Variants in CPEB4 observed in about 807,000 individuals in gnomAD.
The protein encoded by CPEB4 is cytoplasmic polyadenylation element-binding protein 4.
In CPEB4, 12 loss-of-function variants were observed where a neutral mutation model predicts 72.5. The ratio of observed to expected loss-of-function variants is 0.17; its 90% confidence interval spans 0.11 to 0.27. The LOEUF (loss-of-function observed/expected upper bound fraction) is 0.27, where lower values mean the gene tolerates loss of function less well. Among genes scored for constraint, CPEB4 ranks in the 10% least tolerant of loss-of-function variants. The probability of loss-of-function intolerance (pLI) is 1.00; values close to 1 mark genes in which losing one functional copy is unlikely to be tolerated. For synonymous variants in CPEB4, 302 were observed against 326.3 expected (o/e 0.93, Z 0.80); for missense variants, 614 against 908.5 (o/e 0.68, Z 4.17).
At position 173,889,859 on chromosome 5, in the gene CPEB4, T is replaced by A; in HGVS notation, c.126T>A (p.Ala42=). The A allele has an allele frequency of 1.2e-6, 2 of 1,614,210 alleles. No homozygotes were observed. Among genetic ancestry groups the A allele is most frequent in the African/African-American group, 2.7e-5 (2 of 75,052 alleles). ...ACCAAAATGCCACCCCCAGCCCTGCTGCTTTTATAAATAATAACACAGCTG... is the reference window on the plus strand; with the variant it reads ...ACCAAAATGCCACCCCCAGCCCTGCAGCTTTTATAAATAATAACACAGCTG... ...HHHQNATPSP[A]AFINNNTAAN... is the part of the protein sequence containing the mutation. Residue 42 remains alanine (A), a synonymous_variant, in exon 1 of 10, where the codon GCT becomes GCA. Coordinates refer to ENST00000265085, the MANE Select transcript of CPEB4 (RefSeq NM_030627.4).
chr5:173,945,899 C>T (rs374045901), intron 5 of CPEB4, among the ~76,000 whole-genome samples: 28 of 152,250 alleles, frequency 1.8e-4, no homozygotes, highest in African/African-American at 6.0e-4. Flanking sequence ...CTGAGTGACC[C>T]CAATAAAAAT....
intron 5 of CPEB4, 117 bp downstream of exon 5, chr5:173,945,257 G>A: frequency 1.2e-6 from 1 of 831,842 alleles, no homozygotes; most frequent in Non-Finnish European, 1.9e-6. Flanking sequence ...TGCTTGCATT[G>A]TTCTCTTGTC....
chr5:173,911,240 A>AC (rs1456546179), intron 2 of CPEB4, among the ~76,000 whole-genome samples: 1 of 150,914 alleles, frequency 6.6e-6, no homozygotes, highest in African/African-American at 2.4e-5. Context: ...AGATGTCTGG[A>AC]CCCCATTCCA....
chr5:173,952,087 T>C (rs1464821712), intron 8 of CPEB4, 149 bp downstream of exon 8: 1 of 606,608 alleles, frequency 1.6e-6, no homozygotes, highest in South Asian at 2.1e-5. Context: ...TGTGTTCTAA[T>C]AGTTAAGTGA....
rs1216439983 is a variant in CPEB4, at chr5:173,960,124, TA to T, written c.*3988del. 6.5e-6 allele frequency: 1 copy of T among 152,772 alleles called. No homozygotes were observed. The highest frequency in any genetic ancestry group is 1.5e-5 in the Non-Finnish European group (1 of 68,026). 9.5% of individuals were successfully genotyped at this position (152,772 alleles called of 1,614,324 possible). A position where few individuals can be genotyped will look rare whatever the true frequency, so the allele number is the denominator to read the frequency against. ...TAAAGTCATTTTCACGTTAAGTTCC[TA>T]TTTTTGTATGTTCTACTCTTAAGTT... On this transcript the variant is annotated 3_prime_UTR_variant, in exon 10 of 10. Coordinates refer to ENST00000265085, the MANE Select transcript of CPEB4 (RefSeq NM_030627.4).
At chr5:173,908,460 T>G (rs900707945) in intron 1 of CPEB4, among the ~76,000 whole-genome samples, 3 of 152,220 alleles carry the variant, frequency 2.0e-5, no homozygotes, top group African/African-American at 7.2e-5. Context: ...CTTGAAATAC[T>G]GTCTCTTACC....
At position 173,951,933 on chromosome 5, in the gene CPEB4, G is replaced by C; in HGVS notation, c.1775G>C (p.Arg592Pro). 6.2e-7 allele frequency: 1 copy of C among 1,600,072 alleles called. No individual in the cohort carries two copies. The highest frequency in any genetic ancestry group is 8.6e-7 in the Non-Finnish European group (1 of 1,167,314). The change falls in exon 8 of 10, where the codon CGA (arginine) becomes CCA (proline). Residue 592 changes from arginine to proline, a missense_variant. Transcript: ENST00000265085. ...IFVGGVPRPL[R>P]AVELAMIMDR... is the part of the protein sequence containing the mutation. The stretch of plus-strand genomic sequence containing the variant: ...GTTGGTGGTGTTCCTCGACCATTAC[G>C]AGCTGGTATGATTAAACAAACGACA...
Position 173,888,360 on chromosome 5 carries a change from TCC to T in CPEB4, c.-1373_-1372del. The stretch of plus-strand genomic sequence containing the variant: ...CTGGTTGTCATTTCACTCGGCTCGG[TCC>T]TGAGGAGAAGGACTCAGCCGCGGCT... On this transcript the variant is annotated 5_prime_UTR_variant, in exon 1 of 10. Transcript: ENST00000265085. The surrounding 1 kb of genome is among the most constrained non-coding windows in gnomAD (Gnocchi z 4.3). 2.3e-6 allele frequency: 1 copy of T among 437,726 alleles called. No homozygotes were observed. Among genetic ancestry groups the T allele is most frequent in the East Asian group, 3.5e-5 (1 of 28,686 alleles). 27.1% of individuals were successfully genotyped at this position (437,726 alleles called of 1,614,324 possible). A position where few individuals can be genotyped will look rare whatever the true frequency, so the allele number is the denominator to read the frequency against.
intron 4 of CPEB4, among the ~76,000 whole-genome samples, chr5:173,944,254 T>G (rs1465825787): frequency 2.6e-5 from 4 of 152,130 alleles, no homozygotes; most frequent in Non-Finnish European, 5.9e-5. Context: ...TAACATTAAG[T>G]GGGTTTTGAT....
chr5:173,955,588 A>AT lies in CPEB4; in HGVS notation c.1963-321dup, dbSNP rs1418885557. Among the ~76,000 whole-genome samples, 1 of 152,224 alleles carries AT rather than the reference A, an allele frequency of 6.6e-6. No homozygotes were observed. Among genetic ancestry groups the AT allele is most frequent in the Non-Finnish European group, 1.5e-5 (1 of 68,044 alleles). On this transcript the variant is annotated intron_variant, in intron 9 of 9. Coordinates refer to ENST00000265085, the MANE Select transcript of CPEB4 (RefSeq NM_030627.4). The surrounding 1 kb of genome is among the most constrained non-coding windows in gnomAD (Gnocchi z 4.7). ...GATCCACTAATTAAAATGAGGGTTT[A>AT]TGTCTATGAATAATCTCCTGTGGGT...
At chr5:173,893,407 A>G (rs565789415) in intron 1 of CPEB4, among the ~76,000 whole-genome samples, 1 of 152,256 alleles carries the variant, frequency 6.6e-6, no homozygotes, top group South Asian at 2.1e-4. Flanking sequence ...GCATGAGCCC[A>G]GGAGTTTGGG....
At chr5:173,933,476 T>C (rs1214058579) in intron 3 of CPEB4, among the ~76,000 whole-genome samples, 1 of 152,166 alleles carries the variant, frequency 6.6e-6, no homozygotes, top group Non-Finnish European at 1.5e-5. Context: ...GTACATCAGA[T>C]CTTCTAGAGA....
chr5:173,910,742 C>A (rs969068970), intron 2 of CPEB4, 138 bp downstream of exon 2: 2 of 620,388 alleles, frequency 3.2e-6, no homozygotes, highest in Non-Finnish European at 5.7e-6. Context: ...ACACATATAC[C>A]TCTTGTTGTT....
intron 3 of CPEB4, among the ~76,000 whole-genome samples, chr5:173,936,872 A>C (rs1469466389): frequency 6.7e-6 from 1 of 149,998 alleles, no homozygotes; most frequent in African/African-American, 2.5e-5. Context: ...AGGATTAGCT[A>C]CTTCAAAAAT....
chr5:173,926,028 T>C (rs892243290), intron 2 of CPEB4, among the ~76,000 whole-genome samples: 4 of 152,244 alleles, frequency 2.6e-5, no homozygotes, highest in Non-Finnish European at 5.9e-5. Flanking sequence ...TTATTCCCTA[T>C]TATCATTCCT....
intron 8 of CPEB4, among the ~76,000 whole-genome samples, chr5:173,952,788 T>C (rs1444820891): frequency 6.6e-6 from 1 of 152,166 alleles, no homozygotes; most frequent in African/African-American, 2.4e-5. Flanking sequence ...CTTAATGACC[T>C]GTGACCTTGG....
At chr5:173,909,417 A>G (rs1288284487) in intron 1 of CPEB4, among the ~76,000 whole-genome samples, 1 of 152,098 alleles carries the variant, frequency 6.6e-6, no homozygotes, top group African/African-American at 2.4e-5. Flanking sequence ...GCAGTTCTCT[A>G]TTGCTATTCT....
chr5:173,908,534 A>C lies in CPEB4; in HGVS notation c.1126-1989A>C, dbSNP rs902374888. 5.3e-5 allele frequency among the ~76,000 whole-genome samples: 8 copies of C among 152,356 alleles called. No homozygotes were observed. The South Asian group carries it at 1.7e-3, about 32-fold the overall frequency. ...CTCCTCAAGTTGCAGTGGTATTATA[A>C]AACCACTCAGCGCACATTACTGAAT... On this transcript the variant is annotated intron_variant, in intron 1 of 9. Transcript: ENST00000265085.
intron 2 of CPEB4, among the ~76,000 whole-genome samples, chr5:173,931,993 A>G (rs1433645838): frequency 6.6e-6 from 1 of 152,236 alleles, no homozygotes; most frequent in Admixed American, 6.5e-5. Context: ...CTTCCCTCTG[A>G]GAATATTTCC....
Sources: allele counts gnomAD v4.1 joint callset (sites outside exome capture counted in the v4.1 genomes callset), GRCh38; gene constraint gnomAD v4.1.1; non-coding constraint Gnocchi (gnomAD v3.1); transcripts MANE v1.5; gene names NCBI Gene and HGNC (gene_info 2026-07-23, HGNC 2026-07-21).